RGS6: variants seen among roughly 807,000 people sequenced by gnomAD.
The protein encoded by RGS6 is regulator of G-protein signaling 6.
Under a neutral mutation model 78.5 loss-of-function variants are expected in RGS6, and 30 were observed. The observed-to-expected ratio is 0.38, with a 90% CI of 0.29 to 0.52. The LOEUF is 0.52. Ranked by LOEUF, RGS6 falls within the 20% of genes least tolerant of loss-of-function variation. The pLI is 0.85. For synonymous variants in RGS6, 206 were observed against 206.0 expected (o/e 1.00, Z 0.00); for missense variants, 495 against 609.7 (o/e 0.81, Z 1.98).
chr14:72,283,603 G>C (rs536363888), intron 2 of RGS6, among the ~76,000 whole-genome samples: 89 of 152,138 alleles, frequency 5.8e-4, no homozygotes, highest in African/African-American at 2.1e-3. Flanking sequence ...TGATTGTGAG[G>C]CACCCCACCC....
the RGS6 span, among the ~76,000 whole-genome samples, chr14:71,879,167 A>T: frequency 2.0e-5 from 3 of 152,354 alleles, no homozygotes; most frequent in African/African-American, 7.2e-5. Context: ...AAAAAACTCA[A>T]TATGGATTTA....
At chr14:72,136,536 A>G (rs76297819) in intron 2 of RGS6, among the ~76,000 whole-genome samples, 1 of 152,122 alleles carries the variant, frequency 6.6e-6, no homozygotes, top group African/African-American at 2.4e-5. Flanking sequence ...GCCAAGTAAA[A>G]GGAGAAACCC....
chr14:72,164,404 C>G (rs1290904170), intron 2 of RGS6, among the ~76,000 whole-genome samples: 3 of 152,140 alleles, frequency 2.0e-5, no homozygotes, highest in Non-Finnish European at 4.4e-5. Flanking sequence ...CACGGCAGCC[C>G]TGCCTGGCCA....
the RGS6 span, among the ~76,000 whole-genome samples, chr14:71,873,091 G>T: frequency 6.6e-6 from 1 of 152,074 alleles, no homozygotes; most frequent in Non-Finnish European, 1.5e-5. Flanking sequence ...GAATAGTGCC[G>T]CAATAAACAT....
intron 2 of RGS6, among the ~76,000 whole-genome samples, chr14:71,975,943 C>A (rs566147952): frequency 1.3e-5 from 2 of 151,952 alleles, no homozygotes; most frequent in Admixed American, 1.3e-4. Context: ...TATTTTCTAC[C>A]GACTTATCCT....
chr14:72,384,812 G>A (rs1354459106), intron 3 of RGS6, among the ~76,000 whole-genome samples: 3 of 152,088 alleles, frequency 2.0e-5, no homozygotes, highest in South Asian at 2.1e-4. Flanking sequence ...GTGCAGTGGT[G>A]CAATCTTGTC....
chr14:72,132,862 A>T (rs1035748756), intron 2 of RGS6, among the ~76,000 whole-genome samples: 8 of 150,960 alleles, frequency 5.3e-5, no homozygotes, highest in African/African-American at 1.7e-4. Context: ...ACTTGGCTTC[A>T]TTGATCTTAG....
chr14:72,578,568 T>G, the RGS6 span, among the ~76,000 whole-genome samples: 4 of 152,204 alleles, frequency 2.6e-5, no homozygotes, highest in Non-Finnish European at 5.9e-5. Flanking sequence ...ATTCACTCAG[T>G]GCAATTTAAC....
At chr14:72,533,243 T>C (rs1273961433) in intron 15 of RGS6, among the ~76,000 whole-genome samples, 2 of 152,256 alleles carry the variant, frequency 1.3e-5, no homozygotes, top group African/African-American at 4.8e-5. Context: ...CAACAAAGTC[T>C]GGATGGCAGC....
intron 2 of RGS6, among the ~76,000 whole-genome samples, chr14:71,992,664 G>A (rs980492906): frequency 4.6e-5 from 7 of 152,268 alleles, no homozygotes; most frequent in South Asian, 4.1e-4. Context: ...TTTTACGCAC[G>A]TTAGTAATTA....
chr14:72,013,973 C>T (rs1351063739), intron 2 of RGS6, among the ~76,000 whole-genome samples: 1 of 152,162 alleles, frequency 6.6e-6, no homozygotes, highest in Non-Finnish European at 1.5e-5. Context: ...CTGTGAAAAT[C>T]GTGTTTCCTT....
At chr14:72,621,342 C>G in the RGS6 span, among the ~76,000 whole-genome samples, 1 of 152,036 alleles carries the variant, frequency 6.6e-6, no homozygotes, top group African/African-American at 2.4e-5. Flanking sequence ...TCTGGCCCCA[C>G]CCCCTAGTTT....
In RGS6 at chr14:72,489,489, G is replaced by A. The variant is rs2096547654; in HGVS notation, c.855-5663G>A. On this transcript the variant is annotated intron_variant, in intron 12 of 17. Coordinates refer to ENST00000553525, the MANE Select transcript of RGS6 (RefSeq NM_001204424.2). ...GAAACCTGTGAATGTGACCTCCTTT[G>A]GGAAGAGTCTTTGCAGATGTAATTC... Among the ~76,000 whole-genome samples, 2 of 152,166 alleles carry A rather than the reference G, an allele frequency of 1.3e-5. 1 individual carries two copies. Among genetic ancestry groups the A allele is most frequent in the South Asian group, 4.1e-4 (2 of 4,830 alleles).
intron 3 of RGS6, among the ~76,000 whole-genome samples, chr14:72,394,694 C>T (rs1198915090): frequency 6.6e-6 from 1 of 152,048 alleles, no homozygotes; most frequent in Admixed American, 6.6e-5. Flanking sequence ...TTTCAAGGTG[C>T]CCAGATTTCC....
In RGS6 at chr14:72,566,086, C is replaced by A. The variant is rs912038708; in HGVS notation, c.*3619C>A. 1 of 152,212 alleles carries A rather than the reference C, an allele frequency of 6.6e-6. No homozygotes were observed. The highest frequency in any genetic ancestry group is 1.5e-5 in the Non-Finnish European group (1 of 68,052). The allele number at this position is 152,212 out of a possible 1,614,324, so 9.4% of individuals were successfully genotyped here. On this transcript the variant is annotated 3_prime_UTR_variant, in exon 18 of 18. Coordinates refer to ENST00000553525, the MANE Select transcript of RGS6 (RefSeq NM_001204424.2). Reference sequence around the variant, plus strand: ...ATCACTAATAACTCACCATGGGACCCTCTGAAGAGAGGCCTGTGCTCGTGT... The same window carrying A: ...ATCACTAATAACTCACCATGGGACCATCTGAAGAGAGGCCTGTGCTCGTGT...
chr14:72,401,669 C>T (rs1393558660), intron 3 of RGS6, among the ~76,000 whole-genome samples: 1 of 147,052 alleles, frequency 6.8e-6, no homozygotes, highest in Non-Finnish European at 1.5e-5. Flanking sequence ...TAGAAAACTA[C>T]ACAGCTCTTA....
In RGS6 at chr14:71,932,906, C is replaced by G. The variant is rs780935817; in HGVS notation, c.-56C>G. 1 of 152,224 alleles carries G rather than the reference C, an allele frequency of 6.6e-6. No individual in the cohort carries two copies. Among genetic ancestry groups the G allele is most frequent in the Non-Finnish European group, 1.5e-5 (1 of 68,062 alleles). 9.4% of individuals were successfully genotyped at this position (152,224 alleles called of 1,614,324 possible). ...TTGGCTTTAGGAAAAATTCTGGAGC[C>G]AGAGGGAGAGTCAAGGCAATTCTTT... On this transcript the variant is annotated 5_prime_UTR_variant, in exon 1 of 18. Coordinates refer to ENST00000553525, the MANE Select transcript of RGS6 (RefSeq NM_001204424.2).
At chr14:72,431,647 T>C (rs2094646049) in intron 3 of RGS6, among the ~76,000 whole-genome samples, 1 of 152,094 alleles carries the variant, frequency 6.6e-6, no homozygotes, top group Non-Finnish European at 1.5e-5. Context: ...GGACATATAT[T>C]GTATGGTACT....
At chr14:72,150,003 A>T (rs1317885489) in intron 2 of RGS6, among the ~76,000 whole-genome samples, 1 of 152,198 alleles carries the variant, frequency 6.6e-6, no homozygotes, top group East Asian at 1.9e-4. Flanking sequence ...AAAGGACTGC[A>T]TCAGACAAGA....
Sources: gnomAD v4.1 joint callset for allele counts (sites outside exome capture counted in the v4.1 genomes callset) on GRCh38, gnomAD v4.1.1 for gene constraint, MANE v1.5 for transcripts, NCBI Gene and HGNC (gene_info 2026-07-23, HGNC 2026-07-21) for gene names.